Variants in ANKRD33B observed in about 807,000 individuals in gnomAD.
ANKRD33B encodes ankyrin repeat domain-containing protein 33B.
A neutral mutation model predicts 21.5 loss-of-function variants in ANKRD33B; 6 were observed. That is an observed-to-expected ratio of 0.28 (90% confidence interval 0.15 to 0.55). The LOEUF (loss-of-function observed/expected upper bound fraction) is 0.55, where lower values mean the gene tolerates loss of function less well. Ranked by LOEUF, ANKRD33B falls within the 20% of genes least tolerant of loss-of-function variation. The pLI is 0.94. For synonymous variants in ANKRD33B, 347 were observed against 342.4 expected (o/e 1.01, Z -0.15); for missense variants, 698 against 747.2 (o/e 0.93, Z 0.77).
At chr5:10,646,880 G>A (rs879269150) in intron 3 of ANKRD33B, among the ~76,000 whole-genome samples, 1 of 152,224 alleles carries the variant, frequency 6.6e-6, no homozygotes, top group Non-Finnish European at 1.5e-5. Flanking sequence ...GAGCCATGAG[G>A]CCACTGTGGG....
intron 1 of ANKRD33B, among the ~76,000 whole-genome samples, chr5:10,600,704 G>A (rs1049915095): frequency 4.6e-5 from 7 of 152,186 alleles, no homozygotes; most frequent in Non-Finnish European, 4.4e-5. Flanking sequence ...TGGCTCATAA[G>A]GTAGACATGT....
At position 10,642,928 on chromosome 5, in the gene ANKRD33B, G is replaced by A. The variant is rs138482618; in HGVS notation, c.637+4760G>A. Among the ~76,000 whole-genome samples the A allele has an allele frequency of 7.2e-3, 1,101 of 151,966 alleles. 10 individuals are homozygous for A. Among genetic ancestry groups the A allele is most frequent in the Middle Eastern group, 0.02 (6 of 294 alleles). ...GCTTTGTTTTGTTTTGTTTTGAGAC[G>A]GAGTCTCACTCTGTCGCCCAGAGTG... On this transcript the variant is annotated intron_variant, in intron 3 of 3. Coordinates refer to ENST00000296657, the MANE Select transcript of ANKRD33B (RefSeq NM_001164440.2).
chr5:10,622,347 A>G (rs1736439779), intron 2 of ANKRD33B, among the ~76,000 whole-genome samples: 1 of 152,190 alleles, frequency 6.6e-6, no homozygotes. Flanking sequence ...TTTTAACCAA[A>G]GAATCAGAAA....
At chr5:10,605,772 G>A (rs1277408632) in intron 1 of ANKRD33B, among the ~76,000 whole-genome samples, 2 of 151,906 alleles carry the variant, frequency 1.3e-5, no homozygotes, top group African/African-American at 2.4e-5. Flanking sequence ...CAGGTGATCC[G>A]CCTGCCTCAA....
chr5:10,611,899 G>T (rs2126577067), intron 1 of ANKRD33B, among the ~76,000 whole-genome samples: 1 of 152,284 alleles, frequency 6.6e-6, no homozygotes, highest in South Asian at 2.1e-4. Flanking sequence ...AGTGTAGTGT[G>T]GAATTTAAGG....
chr5:10,601,467 C>T (rs538954091), intron 1 of ANKRD33B, among the ~76,000 whole-genome samples: 1 of 152,186 alleles, frequency 6.6e-6, no homozygotes, highest in Non-Finnish European at 1.5e-5. Context: ...TGGCTGGGTG[C>T]CAACTCCTCC....
In ANKRD33B at chr5:10,657,507, A is replaced by AATTTCAT. The variant is rs1488675001; in HGVS notation, c.*7396_*7402dup. Reference sequence around the variant, plus strand: ...TACTGAGTACAGATATAACTGTGTAAATTTCATAGTGTTTTATTTTGAGGT... The same window carrying AATTTCAT: ...TACTGAGTACAGATATAACTGTGTAAATTTCATATTTCATAGTGTTTTATTTTGAGGT... On this transcript the variant is annotated 3_prime_UTR_variant, in exon 4 of 4. Coordinates refer to ENST00000296657, the MANE Select transcript of ANKRD33B (RefSeq NM_001164440.2). 7 of 152,376 alleles carry AATTTCAT rather than the reference A, an allele frequency of 4.6e-5. No homozygotes were observed. The East Asian group carries it at 1.3e-3, about 29-fold the overall frequency. The allele number at this position is 152,376 out of a possible 1,614,324, so 9.4% of individuals were successfully genotyped here. A position where few individuals can be genotyped will look rare whatever the true frequency, so the allele number is the denominator to read the frequency against.
chr5:10,615,754 A>C (rs961763126), intron 1 of ANKRD33B, among the ~76,000 whole-genome samples: 5 of 152,250 alleles, frequency 3.3e-5, no homozygotes, highest in Non-Finnish European at 7.3e-5. Flanking sequence ...TTTATTTATA[A>C]GTCAGGAAAT....
At position 10,568,809 on chromosome 5, in the gene ANKRD33B, C is replaced by T. The variant is rs187179064; in HGVS notation, c.366+3976C>T. ...TTGGCCTCTGAAAGTTCTGGGATTA[C>T]CGGTGTGAGGCACCGCGCCTGCCCT... On this transcript the variant is annotated intron_variant, in intron 1 of 3. Transcript: ENST00000296657. Among the ~76,000 whole-genome samples the T allele has an allele frequency of 3.5e-3, 533 of 152,330 alleles. 1 individual carries two copies. The highest frequency in any genetic ancestry group is 0.011 in the South Asian group (54 of 4,826).
At chr5:10,583,438 G>A (rs182419366) in intron 1 of ANKRD33B, among the ~76,000 whole-genome samples, 3 of 152,296 alleles carry the variant, frequency 2.0e-5, no homozygotes, top group African/African-American at 4.8e-5. Flanking sequence ...GTGGGAACCC[G>A]TCCTGTGCAT....
chr5:10,647,902 G>T (rs1737225404), intron 3 of ANKRD33B, among the ~76,000 whole-genome samples: 1 of 152,192 alleles, frequency 6.6e-6, no homozygotes, highest in African/African-American at 2.4e-5. Flanking sequence ...GTTAACCACA[G>T]CTGCAAAATA....
At chr5:10,636,487 C>T (rs1478213767) in intron 2 of ANKRD33B, among the ~76,000 whole-genome samples, 1 of 152,136 alleles carries the variant, frequency 6.6e-6, no homozygotes, top group Non-Finnish European at 1.5e-5. Context: ...CATGATGATG[C>T]TCGCCTGTGA....
At chr5:10,598,513 C>T (rs369849971) in intron 1 of ANKRD33B, among the ~76,000 whole-genome samples, 63 of 152,308 alleles carry the variant, frequency 4.1e-4, no homozygotes, top group African/African-American at 1.4e-3. Flanking sequence ...ATCATCCATC[C>T]GCCTCGGCCT....
intron 1 of ANKRD33B, among the ~76,000 whole-genome samples, chr5:10,592,949 G>A (rs534423222): frequency 1.9e-4 from 29 of 152,132 alleles, no homozygotes; most frequent in African/African-American, 6.5e-4. Flanking sequence ...TCTTATATAT[G>A]TTATTTCAAC....
Position 10,576,919 on chromosome 5 carries a change from C to T in ANKRD33B, c.366+12086C>T, listed in dbSNP as rs1451991384. Among the ~76,000 whole-genome samples, 3 of 152,020 alleles carry T rather than the reference C, an allele frequency of 2.0e-5. No homozygotes were observed. The highest frequency in any genetic ancestry group is 6.6e-5 in the Admixed American group (1 of 15,262). ...CATCCTGTGGGCACCTCGGATGACGCGAGGGTGGAGCCTGAAACGCTGGCC... is the reference window on the plus strand; with the variant it reads ...CATCCTGTGGGCACCTCGGATGACGTGAGGGTGGAGCCTGAAACGCTGGCC... On this transcript the variant is annotated intron_variant, in intron 1 of 3. Transcript: ENST00000296657. This position sits in a 1 kb window ranked among gnomAD's most constrained non-coding sequence, Gnocchi z 4.1.
intron 2 of ANKRD33B, among the ~76,000 whole-genome samples, chr5:10,637,045 G>A (rs567666087): frequency 7.2e-5 from 11 of 152,228 alleles, no homozygotes; most frequent in Non-Finnish European, 1.3e-4. Flanking sequence ...TGTGCCGACT[G>A]TGCCAAGGCT....
intron 1 of ANKRD33B, among the ~76,000 whole-genome samples, chr5:10,572,243 T>C (rs1163447680): frequency 1.3e-5 from 2 of 152,146 alleles, no homozygotes; most frequent in Non-Finnish European, 2.9e-5. Context: ...CAGCCAACAC[T>C]GACAATCACT....
intron 1 of ANKRD33B, among the ~76,000 whole-genome samples, chr5:10,588,311 A>G (rs936136216): frequency 2.0e-5 from 3 of 152,168 alleles, no homozygotes; most frequent in African/African-American, 4.8e-5. Flanking sequence ...TTGCCAGCAA[A>G]TACATGTCGT....
intron 1 of ANKRD33B, among the ~76,000 whole-genome samples, chr5:10,568,654 C>T (rs1476434821): frequency 6.6e-6 from 1 of 152,244 alleles, no homozygotes; most frequent in Non-Finnish European, 1.5e-5. Context: ...CCTGCCTCAG[C>T]TTCCCACATA....
Sources: gnomAD v4.1 joint callset for allele counts (sites outside exome capture counted in the v4.1 genomes callset) on GRCh38, gnomAD v4.1.1 for gene constraint, Gnocchi (gnomAD v3.1) non-coding constraint, MANE v1.5 for transcripts, NCBI Gene and HGNC (gene_info 2026-07-23, HGNC 2026-07-21) for gene names.